Variants in COL10A1 observed in about 807,000 individuals in gnomAD.
COL10A1 encodes the protein collagen type X alpha 1 chain, also known as collagen alpha-1(X) chain.
Under a neutral mutation model 18.2 loss-of-function variants are expected in COL10A1, and 10 were observed. That is an observed-to-expected ratio of 0.55 (90% confidence interval 0.34 to 0.93). COL10A1 has a LOEUF of 0.93. Among genes scored for constraint, COL10A1 ranks in the 40% least tolerant of loss-of-function variants. The probability of loss-of-function intolerance (pLI) is 0.02; values close to 1 mark genes in which losing one functional copy is unlikely to be tolerated. For synonymous variants in COL10A1, 330 were observed against 316.6 expected (o/e 1.04, Z -0.45); for missense variants, 897 against 853.5 (o/e 1.05, Z -0.64).
chr6:116,135,320 T>C (rs1337968365), intron 1 of COL10A1, among the ~76,000 whole-genome samples: 1 of 152,096 alleles, frequency 6.6e-6, no homozygotes, highest in Non-Finnish European at 1.5e-5. Flanking sequence ...ATCAATATCA[T>C]TAAAATACGA....
the COL10A1 span, among the ~76,000 whole-genome samples, chr6:116,184,451 G>C: frequency 0.026 from 3,963 of 151,784 alleles, 155 homozygotes; most frequent in African/African-American, 0.09. Context: ...TTGAAATAGT[G>C]TCAATTGGAT....
intron 1 of COL10A1, among the ~76,000 whole-genome samples, chr6:116,132,027 A>T (rs1779480270): frequency 6.6e-6 from 1 of 152,214 alleles, no homozygotes. Flanking sequence ...ATGGCTGCAT[A>T]GTATTCCATG....
chr6:116,161,084 C>T (rs925462756), upstream of COL10A1, among the ~76,000 whole-genome samples: 68 of 150,962 alleles, frequency 4.5e-4, 1 homozygote, highest in Admixed American at 4.3e-3. Flanking sequence ...AGTAAACTAT[C>T]GTAAGAACAA....
chr6:116,144,152 T>C (rs1363868055), intron 1 of COL10A1, among the ~76,000 whole-genome samples: 1 of 152,144 alleles, frequency 6.6e-6, no homozygotes, highest in Non-Finnish European at 1.5e-5. Flanking sequence ...TTTATGTAAT[T>C]GGAATCCTTT....
chr6:116,177,842 G>A, the COL10A1 span, among the ~76,000 whole-genome samples: 383 of 152,254 alleles, frequency 2.5e-3, 6 homozygotes, highest in Admixed American at 0.023. Context: ...TTAGGTAACA[G>A]CTCTGAAATG....
the COL10A1 span, among the ~76,000 whole-genome samples, chr6:116,207,143 ATC>A: frequency 6.6e-6 from 1 of 151,974 alleles, no homozygotes; most frequent in Non-Finnish European, 1.5e-5. Flanking sequence ...GGGAGCTGAT[ATC>A]TCTGCATTAA....
chr6:116,162,955 G>A (rs185900927), upstream of COL10A1, among the ~76,000 whole-genome samples: 801 of 151,582 alleles, frequency 5.3e-3, 2 homozygotes, highest in South Asian at 9.0e-3. Context: ...GTGAAACCCC[G>A]TCTCTACTAA....
chr6:116,130,139 C>T (rs1378491224), upstream of COL10A1, among the ~76,000 whole-genome samples: 1 of 152,014 alleles, frequency 6.6e-6, no homozygotes, highest in Non-Finnish European at 1.5e-5. Context: ...CTAGGATATT[C>T]TCTATAAAGA....
chr6:116,192,113 G>A, the COL10A1 span, among the ~76,000 whole-genome samples: 1 of 151,994 alleles, frequency 6.6e-6, no homozygotes, highest in South Asian at 2.1e-4. Context: ...ACTTAATTAG[G>A]TGGTTAGAGA....
At chr6:116,145,431 C>T in intron 1 of COL10A1, 1 of 371,038 alleles carries the variant, frequency 2.7e-6, no homozygotes, top group Non-Finnish European at 6.0e-6. Flanking sequence ...TCTTTATTAT[C>T]TCTTAGTAAG....
chr6:116,199,306 G>C, the COL10A1 span, among the ~76,000 whole-genome samples: 2 of 151,976 alleles, frequency 1.3e-5, no homozygotes, highest in Admixed American at 1.3e-4. Context: ...TTGTTAATCT[G>C]GTCTTTGATG....
chr6:116,158,655 G>C (rs1780259865), exon 1 of COL10A1: 1 of 152,176 alleles, frequency 6.6e-6, no homozygotes, highest in Non-Finnish European at 1.5e-5. Flanking sequence ...GTTGTTGGCT[G>C]CTCTTTAAAA....
chr6:116,190,533 C>T, the COL10A1 span, among the ~76,000 whole-genome samples: 1 of 151,986 alleles, frequency 6.6e-6, no homozygotes, highest in South Asian at 2.1e-4. Context: ...CCTCCCATCA[C>T]ATTAGTTGCC....
the COL10A1 span, among the ~76,000 whole-genome samples, chr6:116,192,905 A>C: frequency 6.6e-6 from 1 of 152,018 alleles, no homozygotes; most frequent in East Asian, 1.9e-4. Flanking sequence ...AGCAGACCCC[A>C]GTTGTCCTGA....
the COL10A1 span, among the ~76,000 whole-genome samples, chr6:116,202,064 C>G: frequency 1.3e-5 from 2 of 151,864 alleles, no homozygotes; most frequent in Non-Finnish European, 2.9e-5. Flanking sequence ...ATGTGGCTAC[C>G]GAGCACTTGA....
At chr6:116,146,984 G>A (rs1477443331) in intron 1 of COL10A1, among the ~76,000 whole-genome samples, 2 of 122,024 alleles carry the variant, frequency 1.6e-5, no homozygotes, top group Non-Finnish European at 3.3e-5. Flanking sequence ...TTTTATATAT[G>A]TATAAAATAA....
chr6:116,129,607 G>A (rs912055246), upstream of COL10A1, among the ~76,000 whole-genome samples: 4 of 152,100 alleles, frequency 2.6e-5, no homozygotes, highest in Non-Finnish European at 5.9e-5. Context: ...CAGCATGAAC[G>A]CTCTCTCCAG....
At chr6:116,216,809 CTTCTT>C in the COL10A1 span, among the ~76,000 whole-genome samples, 2 of 152,242 alleles carry the variant, frequency 1.3e-5, no homozygotes, top group East Asian at 3.9e-4. Flanking sequence ...AAAGAAGTTT[CTTCTT>C]TTAAGAAAAT....
At chr6:116,191,836 G>C in the COL10A1 span, among the ~76,000 whole-genome samples, 1 of 151,984 alleles carries the variant, frequency 6.6e-6, no homozygotes, top group African/African-American at 2.4e-5. Context: ...CCTTAAGGCT[G>C]CCTGGTTCTC....
Sources: gnomAD v4.1 joint callset for allele counts (sites outside exome capture counted in the v4.1 genomes callset) on GRCh38, gnomAD v4.1.1 for gene constraint, MANE v1.5 for transcripts, NCBI Gene and HGNC (gene_info 2026-07-23, HGNC 2026-07-21) for gene names.